Variants in TOPAZ1 observed in about 807,000 individuals in gnomAD.
The protein encoded by TOPAZ1 is testis and ovary specific TOPAZ 1.
A neutral mutation model predicts 172.2 loss-of-function variants in TOPAZ1; 66 were observed. The observed-to-expected ratio is 0.38, with a 90% CI of 0.31 to 0.47. TOPAZ1 has a LOEUF of 0.47. Among genes scored for constraint, TOPAZ1 ranks in the 20% least tolerant of loss-of-function variants. The pLI, the probability that TOPAZ1 is intolerant of heterozygous loss-of-function variation, is 0.99. For missense variants in TOPAZ1, 1,822 were observed against 1,972.4 expected (o/e 0.92, Z 1.44); for synonymous variants, 681 against 683.9 (o/e 1.00, Z 0.07).
At chr3:44,309,797 C>G (rs1230959466) in intron 15 of TOPAZ1, 28 bp from the exon 16 acceptor site, 2 of 1,399,662 alleles carry the variant, frequency 1.4e-6, no homozygotes, top group Non-Finnish European at 9.7e-7. Context: ...GATTGATACC[C>G]AATTAGTGTT....
intron 9 of TOPAZ1, among the ~76,000 whole-genome samples, chr3:44,283,672 G>A (rs1175056015): frequency 6.6e-6 from 1 of 152,046 alleles, no homozygotes; most frequent in Non-Finnish European, 1.5e-5. Flanking sequence ...CAAACAAGAG[G>A]CATATCCTTT....
chr3:44,287,788 A>C lies in TOPAZ1; in HGVS notation c.3630A>C (p.Ala1210=), dbSNP rs559129248. ...TACTAAACATATTTGAGTATGTGGC[A>C]ACTATGAAATTAAGGAATGCTGTAC... ...KILLNIFEYV[A]TMKLRNAVPA... is the part of the protein sequence containing the mutation. Residue 1210 remains alanine (A), a synonymous_variant, in exon 11 of 20, where the codon GCA becomes GCC. Transcript: ENST00000309765. The C allele has an allele frequency of 1.0e-4, 152 of 1,515,434 alleles. 2 individuals carry two copies. The South Asian group carries it at 1.8e-3, about 18-fold the overall frequency. The allele number at this position is 1,515,434 out of a possible 1,614,324, so 93.9% of individuals were successfully genotyped here. A position where few individuals can be genotyped will look rare whatever the true frequency, so the allele number is the denominator to read the frequency against.
At chr3:44,245,980 A>G (rs1457226483) in intron 2 of TOPAZ1, among the ~76,000 whole-genome samples, 1 of 152,208 alleles carries the variant, frequency 6.6e-6, no homozygotes, top group Non-Finnish European at 1.5e-5. Flanking sequence ...ATCTATTTTA[A>G]TCCATTTTCT....
Position 44,243,836 on chromosome 3 carries a change from G to A in TOPAZ1, c.1330G>A (p.Glu444Lys). Residue 444 changes from glutamate (E) to lysine (K), a missense_variant, in exon 2 of 20, where the codon GAG (glutamate) becomes AAG (lysine). Transcript: ENST00000309765. Reference protein sequence around the residue: ...PLGYESMASKEDFKSMKSFIG... With the variant: ...PLGYESMASKKDFKSMKSFIG... ...AGGTTATGAAAGCATGGCATCGAAA[G>A]AGGATTTTAAATCGATGAAAAGCTT... 1 of 1,551,708 alleles carries A rather than the reference G, an allele frequency of 6.4e-7. No homozygotes were observed. Among genetic ancestry groups the A allele is most frequent in the South Asian group, 1.2e-5 (1 of 84,000 alleles).
At chr3:44,266,860 G>T in intron 5 of TOPAZ1, 137 bp from the exon 6 acceptor site, 1 of 572,800 alleles carries the variant, frequency 1.7e-6, no homozygotes. Flanking sequence ...TCGACTCAGG[G>T]TTGCCACAGT....
intron 12 of TOPAZ1, among the ~76,000 whole-genome samples, chr3:44,300,058 TA>T (rs1700251895): frequency 6.6e-6 from 1 of 150,814 alleles, no homozygotes; most frequent in Admixed American, 6.6e-5. Flanking sequence ...CATATGTAAC[TA>T]ACCTGCACAT....
At chr3:44,285,501 A>G (rs1700068032) in intron 9 of TOPAZ1, among the ~76,000 whole-genome samples, 1 of 152,140 alleles carries the variant, frequency 6.6e-6, no homozygotes, top group Admixed American at 6.5e-5. Flanking sequence ...ACAATGCAGT[A>G]GTTTGTGTCA....
intron 11 of TOPAZ1, among the ~76,000 whole-genome samples, chr3:44,290,020 T>C (rs569640920): frequency 1.4e-4 from 21 of 152,302 alleles, no homozygotes; most frequent in Admixed American, 1.4e-3. Context: ...TCATAATACC[T>C]TTGAAGTATT....
At chr3:44,246,163 A>G (rs1699564238) in intron 2 of TOPAZ1, among the ~76,000 whole-genome samples, 1 of 152,232 alleles carries the variant, frequency 6.6e-6, no homozygotes, top group Non-Finnish European at 1.5e-5. Context: ...GTTTTAAATG[A>G]TGATTTTTTC....
chr3:44,247,544 G>A (rs1193784484), intron 2 of TOPAZ1, among the ~76,000 whole-genome samples: 1 of 152,062 alleles, frequency 6.6e-6, no homozygotes. Context: ...CTTGTGCCAT[G>A]TACATTCCTT....
chr3:44,245,530 C>CTTTTT (rs531158571), intron 2 of TOPAZ1, among the ~76,000 whole-genome samples: 1 of 83,010 alleles, frequency 1.2e-5, no homozygotes, highest in Non-Finnish European at 2.2e-5. Context: ...CATAGAGTGG[C>CTTTTT]TTTTTTTTTT....
intron 8 of TOPAZ1, among the ~76,000 whole-genome samples, chr3:44,272,365 A>T (rs1273397155): frequency 6.6e-6 from 1 of 152,206 alleles, no homozygotes; most frequent in Non-Finnish European, 1.5e-5. Context: ...TGCCACCAAC[A>T]GTATACAAAG....
At chr3:44,258,019 T>C (rs1452098111) in intron 4 of TOPAZ1, among the ~76,000 whole-genome samples, 2 of 152,232 alleles carry the variant, frequency 1.3e-5, no homozygotes, top group Non-Finnish European at 2.9e-5. Context: ...ACTGATTTTT[T>C]TTCCTATGTT....
chr3:44,250,571 G>C (rs1203424727), intron 2 of TOPAZ1, among the ~76,000 whole-genome samples: 1 of 152,090 alleles, frequency 6.6e-6, no homozygotes, highest in Non-Finnish European at 1.5e-5. Context: ...AAAGGACTCA[G>C]CTTGCAAGTA....
intron 5 of TOPAZ1, among the ~76,000 whole-genome samples, chr3:44,265,485 G>C (rs774837284): frequency 6.6e-6 from 1 of 152,164 alleles, no homozygotes; most frequent in Admixed American, 6.5e-5. Flanking sequence ...GAACCCAGGA[G>C]GGGGAGGTTG....
At chr3:44,242,818 A>G in intron 1 of TOPAZ1, 35 bp from the exon 2 acceptor site, 1 of 1,433,016 alleles carries the variant, frequency 7.0e-7, no homozygotes, top group East Asian at 2.6e-5. Context: ...CCTCAATATA[A>G]AATCTTTTCT....
intron 16 of TOPAZ1, among the ~76,000 whole-genome samples, chr3:44,312,000 C>G (rs1700402049): frequency 6.6e-6 from 1 of 151,628 alleles, no homozygotes; most frequent in African/African-American, 2.4e-5. Flanking sequence ...TTTACTAATT[C>G]CATTTCTAAG....
chr3:44,283,260 T>C (rs768240061), intron 9 of TOPAZ1, among the ~76,000 whole-genome samples: 1 of 152,044 alleles, frequency 6.6e-6, no homozygotes, highest in Non-Finnish European at 1.5e-5. Flanking sequence ...GGTGTAAAAA[T>C]AAAAACTTAG....
chr3:44,244,391 A>T lies in TOPAZ1; in HGVS notation c.1885A>T (p.Lys629Ter), dbSNP rs1412813060. ...TGAGACTCAAAGCTTAACGGGAAAT[A>T]AAAAAAAAGCTAGAGGAAATTTAAC... ...TSETQSLTGN[K>*]KKARGNLTKL... The change falls in exon 2 of 20, where the codon AAA becomes TAA. Residue 629 changes from lysine to a stop codon, truncating the protein, a stop_gained. Coordinates refer to ENST00000309765, the MANE Select transcript of TOPAZ1 (RefSeq NM_001145030.2). LOFTEE classifies it high-confidence loss of function. 2.6e-6 allele frequency: 4 copies of T among 1,530,220 alleles called. No homozygotes were observed. Among genetic ancestry groups the T allele is most frequent in the African/African-American group, 1.4e-5 (1 of 72,108 alleles). 94.8% of individuals were successfully genotyped at this position (1,530,220 alleles called of 1,614,324 possible). A position where few individuals can be genotyped will look rare whatever the true frequency, so the allele number is the denominator to read the frequency against.
Sources: allele counts gnomAD v4.1 joint callset (sites outside exome capture counted in the v4.1 genomes callset), GRCh38; gene constraint gnomAD v4.1.1; transcripts MANE v1.5; gene names NCBI Gene and HGNC (gene_info 2026-07-23, HGNC 2026-07-21).